GATB: variants seen among roughly 807,000 people sequenced by gnomAD.
GATB encodes glutamyl-tRNA(Gln) amidotransferase subunit B, mitochondrial.
A neutral mutation model predicts 62.3 loss-of-function variants in GATB; 39 were observed. The observed-to-expected ratio is 0.63, with a 90% confidence interval of 0.48 to 0.82. The LOEUF (loss-of-function observed/expected upper bound fraction) is 0.82. GATB is among the 40% of genes least tolerant of loss of function. The pLI is 0.00. For synonymous variants in GATB, 276 were observed against 258.9 expected (o/e 1.07, Z -0.63); for missense variants, 670 against 684.0 (o/e 0.98, Z 0.23).
chr4:151,733,712 G>C (rs1208588724), intron 2 of GATB, among the ~76,000 whole-genome samples: 1 of 152,078 alleles, frequency 6.6e-6, no homozygotes, highest in Non-Finnish European at 1.5e-5. Flanking sequence ...CAAAATACTA[G>C]CTATCCGAAT....
At chr4:151,709,843 C>G (rs1738783137) in intron 5 of GATB, among the ~76,000 whole-genome samples, 1 of 152,190 alleles carries the variant, frequency 6.6e-6, no homozygotes, top group Non-Finnish European at 1.5e-5. Flanking sequence ...ACCGGATTAT[C>G]TGGGCTCCTC....
At chr4:151,724,649 C>T (rs919817620) in intron 2 of GATB, among the ~76,000 whole-genome samples, 10 of 152,090 alleles carry the variant, frequency 6.6e-5, no homozygotes, top group Admixed American at 5.2e-4. Flanking sequence ...GAATGCCCTT[C>T]TTCCTCATCT....
chr4:151,749,135 T>G (rs145177330), intron 2 of GATB, among the ~76,000 whole-genome samples: 1,923 of 152,284 alleles, frequency 0.013, 39 homozygotes, highest in African/African-American at 0.044. Context: ...AGAAATACCA[T>G]TTGACCCAGC....
intron 11 of GATB, chr4:151,677,198 G>A (rs1006892220): frequency 6.6e-6 from 1 of 152,188 alleles, no homozygotes; most frequent in Non-Finnish European, 1.5e-5. Flanking sequence ...CCCAAGCCAT[G>A]CTTGGACTCT....
intron 2 of GATB, among the ~76,000 whole-genome samples, chr4:151,733,502 A>G (rs1739309313): frequency 1.3e-5 from 2 of 152,250 alleles, no homozygotes; most frequent in African/African-American, 4.8e-5. Flanking sequence ...AAAAAAGTCC[A>G]GGACCAGACA....
chr4:151,705,399 A>G, intron 6 of GATB, 130 bp from the exon 7 acceptor site: 1 of 636,146 alleles, frequency 1.6e-6, no homozygotes, highest in Non-Finnish European at 2.8e-6. Flanking sequence ...GTTTATAATA[A>G]TCCTTCCCTT....
Position 151,671,056 on chromosome 4 carries a change from G to A in GATB, c.*118C>T, listed in dbSNP as rs1366709210. On this transcript the variant is annotated 3_prime_UTR_variant, in exon 13 of 13. Transcript: ENST00000263985. ...GACATTAATGCCATAGCTGTGGCTTGGGACAGGGATTGAGAGGCAGCTCTC... is the reference window on the plus strand; with the variant it reads ...GACATTAATGCCATAGCTGTGGCTTAGGACAGGGATTGAGAGGCAGCTCTC... The A allele has an allele frequency of 5.2e-6, 6 of 1,147,516 alleles. No homozygotes were observed. The highest frequency in any genetic ancestry group is 5.1e-6 in the Non-Finnish European group (4 of 785,500). 71.1% of individuals were successfully genotyped at this position (1,147,516 alleles called of 1,614,324 possible). A position where few individuals can be genotyped will look rare whatever the true frequency, so the allele number is the denominator to read the frequency against.
intron 11 of GATB, chr4:151,675,954 A>G (rs771734053): frequency 6.6e-6 from 1 of 152,270 alleles, no homozygotes; most frequent in Non-Finnish European, 1.5e-5. Flanking sequence ...GAAGGAAAGC[A>G]CACAAGACTC....
chr4:151,694,889 T>C (rs1011339255), intron 9 of GATB, among the ~76,000 whole-genome samples: 5 of 152,166 alleles, frequency 3.3e-5, no homozygotes, highest in Non-Finnish European at 7.4e-5. Context: ...CAACCAGCTG[T>C]AGTCATGATA....
intron 5 of GATB, among the ~76,000 whole-genome samples, chr4:151,713,323 C>T (rs531513469): frequency 2.6e-5 from 4 of 152,296 alleles, no homozygotes; most frequent in East Asian, 1.9e-4. Flanking sequence ...ACCCCGCCTT[C>T]GGCCCCCCAA....
chr4:151,683,620 A>G (rs1738189240), intron 10 of GATB, among the ~76,000 whole-genome samples: 1 of 152,184 alleles, frequency 6.6e-6, no homozygotes, highest in Admixed American at 6.5e-5. Context: ...AATGTGCTCT[A>G]AACCAGGATG....
chr4:151,755,072 T>C (rs886443921), intron 2 of GATB, among the ~76,000 whole-genome samples: 2 of 152,200 alleles, frequency 1.3e-5, no homozygotes, highest in Non-Finnish European at 2.9e-5. Flanking sequence ...TTTAATTAAT[T>C]ACCTGTTATT....
At chr4:151,732,376 G>T (rs984935683) in intron 2 of GATB, among the ~76,000 whole-genome samples, 6 of 152,230 alleles carry the variant, frequency 3.9e-5, no homozygotes, top group African/African-American at 1.4e-4. Context: ...TCTGTACTGG[G>T]AGAGGTTCTT....
At chr4:151,679,527 TA>T (rs1738092065) in intron 11 of GATB, among the ~76,000 whole-genome samples, 1 of 152,158 alleles carries the variant, frequency 6.6e-6, no homozygotes, top group East Asian at 1.9e-4. Flanking sequence ...TTCTCAGGTG[TA>T]AAAGGGCTAC....
rs999604461 is a variant in GATB at position 151,730,648 on chromosome 4, G to T, written c.328-11110C>A. ...AGCCTGGAGCCACGAAGACTCACTG[G>T]GTGGCTAGACCCAGAAGACAGACAA... On this transcript the variant is annotated intron_variant, in intron 2 of 12. Transcript: ENST00000263985. This position sits in a 1 kb window ranked among gnomAD's most constrained non-coding sequence, Gnocchi z 4.1. 6.6e-6 allele frequency among the ~76,000 whole-genome samples: 1 copy of T among 152,142 alleles called. No homozygotes were observed. The highest frequency in any genetic ancestry group is 2.4e-5 in the African/African-American group (1 of 41,422).
In GATB at chr4:151,701,426, T is replaced by C; in HGVS notation, c.1100A>G (p.Asp367Gly). 1.2e-6 allele frequency: 2 copies of C among 1,605,022 alleles called. No individual in the cohort carries two copies. The highest frequency in any genetic ancestry group is 1.1e-5 in the South Asian group (1 of 89,272). ...GADPQQVINIDQIRETLPELP... is the reference protein window; with the variant it reads ...GADPQQVINIGQIRETLPELP... ...CTCCGGGAGTGTCTCCCGAATCTGG[T>C]CAATATTGATCACTTGCTGTGGGTC... The change falls in exon 9 of 13, where the codon GAC becomes GGC. Residue 367 changes from aspartate (D) to glycine (G), a missense_variant. Transcript: ENST00000263985.
rs1414443720 is a variant in GATB, at chr4:151,760,905, G to A, written c.78C>T (p.His26=). 3 of 1,614,054 alleles carry A rather than the reference G, an allele frequency of 1.9e-6. No individual in the cohort carries two copies. The highest frequency in any genetic ancestry group is 2.5e-6 in the Non-Finnish European group (3 of 1,179,964). ...TGGACCCAGTCGGAGCCCCTCTTCGGTGGCAAGAACCACCGTCAACCCGGG... is the reference window on the plus strand; with the variant it reads ...TGGACCCAGTCGGAGCCCCTCTTCGATGGCAAGAACCACCGTCAACCCGGG... ...AFARVDGGSC[H]RRGAPTGSTS... is the part of the protein sequence containing the mutation. Residue 26 remains histidine, a synonymous_variant, in exon 1 of 13, where the codon CAC becomes CAT. Transcript: ENST00000263985.
intron 12 of GATB, among the ~76,000 whole-genome samples, chr4:151,672,181 G>T (rs955954685): frequency 2.6e-5 from 4 of 152,158 alleles, no homozygotes; most frequent in Non-Finnish European, 5.9e-5. Flanking sequence ...ATTAGACTTG[G>T]GGAGGGAGGG....
rs370555252 is a variant in GATB, at chr4:151,760,925, C to T, written c.58G>A (p.Val20Ile). Residue 20 changes from valine (V) to isoleucine (I), a missense_variant, in exon 1 of 13, where the codon GTT becomes ATT. Val to Ile is a conservative substitution (Grantham distance 29). Transcript: ENST00000263985. Reference sequence around the variant, plus strand: ...CTTCGGTGGCAAGAACCACCGTCAACCCGGGCGAAAGCCCAACGTCTTCCA... The same window carrying T: ...CTTCGGTGGCAAGAACCACCGTCAATCCGGGCGAAAGCCCAACGTCTTCCA... ...CRGRRWAFAR[V>I]DGGSCHRRGA... is the part of the protein sequence containing the mutation. 3.4e-5 allele frequency: 55 copies of T among 1,613,942 alleles called. No individual in the cohort carries two copies. The highest frequency in any genetic ancestry group is 3.4e-4 in the Middle Eastern group (2 of 5,944).
Sources: allele counts gnomAD v4.1 joint callset (sites outside exome capture counted in the v4.1 genomes callset), GRCh38; gene constraint gnomAD v4.1.1; non-coding constraint Gnocchi (gnomAD v3.1); transcripts MANE v1.5; gene names NCBI Gene and HGNC (gene_info 2026-07-23, HGNC 2026-07-21).